The following TENM1 variants were observed in gnomAD, a reference collection of about 807,000 sequenced individuals.
TENM1 encodes the protein teneurin-1.
In TENM1, 35 loss-of-function variants were observed where a neutral mutation model predicts 174.8. The observed-to-expected ratio is 0.20, with a 90% CI of 0.15 to 0.27. TENM1 has a LOEUF of 0.27. Among genes scored for constraint, TENM1 ranks in the 10% least tolerant of loss-of-function variants. The pLI is 1.00. For synonymous variants in TENM1, 781 were observed against 798.7 expected (o/e 0.98, Z 0.37); for missense variants, 1,633 against 2,130.1 (o/e 0.77, Z 4.59).
At chrX:124,979,842 A>G in the TENM1 span, among the ~76,000 whole-genome samples, 1 of 111,940 alleles carries the variant, frequency 8.9e-6, no homozygotes, top group Admixed American at 9.5e-5. Flanking sequence ...AACAAATTGT[A>G]ATGTGTGCAT....
intron 11 of TENM1, among the ~76,000 whole-genome samples, chrX:124,603,017 A>T (rs1455143747): frequency 9.0e-6 from 1 of 111,350 alleles, no homozygotes; most frequent in Non-Finnish European, 1.9e-5. Flanking sequence ...AGGGAAGAGG[A>T]GAAGGCCATA....
At chrX:124,702,071 G>A (rs1340851393) in intron 5 of TENM1, among the ~76,000 whole-genome samples, 1 of 111,788 alleles carries the variant, frequency 8.9e-6, no homozygotes, top group Admixed American at 9.5e-5. Flanking sequence ...TTTTACTTGG[G>A]TTATACAGCA....
intron 3 of TENM1, among the ~76,000 whole-genome samples, chrX:124,830,055 T>C (rs1290597309): frequency 9.0e-6 from 1 of 111,718 alleles, no homozygotes; most frequent in Non-Finnish European, 1.9e-5. Flanking sequence ...CATGGGGAAA[T>C]ATAACATCTC....
intron 3 of TENM1, among the ~76,000 whole-genome samples, chrX:124,878,286 A>G (rs1177534611): frequency 1.8e-5 from 2 of 111,470 alleles, no homozygotes; most frequent in African/African-American, 6.5e-5. Context: ...AGGCTAGTCC[A>G]GAGAACCACA....
chrX:124,789,200 G>A (rs746977718), intron 3 of TENM1, among the ~76,000 whole-genome samples: 109 of 110,970 alleles, frequency 9.8e-4, no homozygotes, highest in Middle Eastern at 4.6e-3. Context: ...CAGTGGCTGG[G>A]ATGCAGGGCA....
intron 3 of TENM1, among the ~76,000 whole-genome samples, chrX:124,884,770 T>TC (rs1569473982): frequency 8.9e-6 from 1 of 112,059 alleles, no homozygotes; most frequent in African/African-American, 3.2e-5. Flanking sequence ...CTAGCTTCCT[T>TC]TCTCTCTCTA....
chrX:125,035,189 T>G, the TENM1 span, among the ~76,000 whole-genome samples: 2 of 111,239 alleles, frequency 1.8e-5, no homozygotes, highest in Non-Finnish European at 3.8e-5. Flanking sequence ...TGAGTATGGA[T>G]AGCATAAAGG....
intron 15 of TENM1, among the ~76,000 whole-genome samples, chrX:124,533,883 C>T (rs1181926889): frequency 9.0e-6 from 1 of 111,141 alleles, no homozygotes; most frequent in Non-Finnish European, 1.9e-5. Context: ...TGCTTGGGCT[C>T]TCCTTTGATT....
At chrX:125,146,659 A>T in the TENM1 span, among the ~76,000 whole-genome samples, 1 of 111,188 alleles carries the variant, frequency 9.0e-6, no homozygotes, top group Admixed American at 9.6e-5. Flanking sequence ...AGGAAGACCT[A>T]CTTAAATTCT....
At chrX:124,381,693 A>T (rs1249448185) in intron 31 of TENM1, among the ~76,000 whole-genome samples, 1 of 111,899 alleles carries the variant, frequency 8.9e-6, no homozygotes, top group East Asian at 2.8e-4. Context: ...GAAATGCATA[A>T]GGCATAGTTC....
At position 124,860,903 on chromosome X, in the gene TENM1, C is replaced by T. The variant is rs140504111; in HGVS notation, c.535+33393G>A. ...CCTGCCCAATTTAGCAGACTCGTGA[C>T]TCTAGTTCTAGGCAGCTGCTTAGAA... On this transcript the variant is annotated intron_variant, in intron 3 of 31. Coordinates refer to ENST00000422452, the Ensembl canonical transcript of TENM1. Among the ~76,000 whole-genome samples, 474 of 111,493 alleles carry T rather than the reference C, an allele frequency of 4.3e-3. 1 individual carries two copies. Among genetic ancestry groups the T allele is most frequent in the Non-Finnish European group, 7.3e-3 (389 of 53,052 alleles).
chrX:124,473,522 G>A (rs971733702), intron 22 of TENM1, among the ~76,000 whole-genome samples: 2 of 111,661 alleles, frequency 1.8e-5, no homozygotes, highest in Non-Finnish European at 3.8e-5. Flanking sequence ...GTCTTTGCAT[G>A]TAGGCGTCCA....
chrX:124,849,425 C>T (rs184440384), intron 3 of TENM1, among the ~76,000 whole-genome samples: 1,866 of 98,593 alleles, frequency 0.019, 114 homozygotes, highest in African/African-American at 0.049. Context: ...TTCTTTTTTT[C>T]TCTCTCTCTC....
At chrX:124,590,072 G>T (rs1196265832) in intron 11 of TENM1, among the ~76,000 whole-genome samples, 1 of 111,635 alleles carries the variant, frequency 9.0e-6, no homozygotes, top group Non-Finnish European at 1.9e-5. Flanking sequence ...TCTTAACATA[G>T]CTTTTGCTGC....
At chrX:124,683,429 GT>G (rs2052284292) in intron 5 of TENM1, among the ~76,000 whole-genome samples, 1 of 111,872 alleles carries the variant, frequency 8.9e-6, no homozygotes, top group South Asian at 3.7e-4. Flanking sequence ...TATAGGTTAA[GT>G]TTTTATTCCA....
intron 1 of TENM1, among the ~76,000 whole-genome samples, chrX:124,902,085 T>C (rs1182504101): frequency 8.9e-6 from 1 of 112,115 alleles, no homozygotes; most frequent in African/African-American, 3.2e-5. Context: ...AGTTTTCTCA[T>C]TTGTAAGATG....
At chrX:124,437,378 A>G (rs2060854365) in intron 23 of TENM1, among the ~76,000 whole-genome samples, 1 of 110,878 alleles carries the variant, frequency 9.0e-6, no homozygotes, top group Non-Finnish European at 1.9e-5. Context: ...AGCAAGGACT[A>G]TTTTGGCCCC....
intron 15 of TENM1, among the ~76,000 whole-genome samples, chrX:124,544,871 C>A (rs754832824): frequency 9.0e-6 from 1 of 111,594 alleles, no homozygotes; most frequent in Non-Finnish European, 1.9e-5. Flanking sequence ...GCACCTAATA[C>A]AAGTATCTAC....
rs200287853 is a variant in TENM1 at position 124,453,330 on chromosome X, T to C, written c.4104+7A>G. 6 of 1,197,639 alleles carry C rather than the reference T, an allele frequency of 5.0e-6. No individual in the cohort carries two copies. The Admixed American group carries it at 1.2e-4, about 23-fold the overall frequency. On this transcript the variant is annotated splice_region_variant and intron_variant, in intron 23 of 31. Transcript: ENST00000422452. ...GACAATAATACTTGAAAACCAGTGATGCCTACCTGAGTGATGTCCATTCCT... is the reference window on the plus strand; with the variant it reads ...GACAATAATACTTGAAAACCAGTGACGCCTACCTGAGTGATGTCCATTCCT...
Sources: allele counts gnomAD v4.1 joint callset (sites outside exome capture counted in the v4.1 genomes callset), GRCh38; gene constraint gnomAD v4.1.1; transcripts MANE v1.5; gene names NCBI Gene and HGNC (gene_info 2026-07-23, HGNC 2026-07-21).